Variants in KYAT1 observed in about 807,000 individuals in gnomAD.
KYAT1 encodes the protein kynurenine aminotransferase 1.
A neutral mutation model predicts 52.4 loss-of-function variants in KYAT1; 47 were observed. That is an observed-to-expected ratio of 0.90 (90% CI 0.71 to 1.14). KYAT1 has a LOEUF of 1.14. KYAT1 is among the 50% of genes most tolerant of loss of function. The pLI is 0.00. For synonymous variants in KYAT1, 212 were observed against 209.6 expected, an observed-to-expected ratio of 1.01 and a Z score of -0.10; for missense variants, 480 against 557.9, an observed-to-expected ratio of 0.86 and a Z score of 1.41.
intron 1 of KYAT1, among the ~76,000 whole-genome samples, chr9:128,873,363 GAA>G (rs74942940): frequency 1.9e-5 from 2 of 107,750 alleles, no homozygotes; most frequent in Non-Finnish European, 2.0e-5. Flanking sequence ...TATAGAAAAT[GAA>G]AAAAAAAAAA....
rs150456386 is a variant in KYAT1 at position 128,858,765 on chromosome 9, C to T, written c.-6-13354G>A. ...GCTCACGCTTATAATTCCAGCACTTCGGGAGGCTGAGGTGGGCAGATCACT... is the reference window on the plus strand; with the variant it reads ...GCTCACGCTTATAATTCCAGCACTTTGGGAGGCTGAGGTGGGCAGATCACT... On this transcript the variant is annotated intron_variant, in intron 1 of 12. Coordinates refer to ENST00000302586, the MANE Select transcript of KYAT1 (RefSeq NM_004059.5). Among the ~76,000 whole-genome samples the T allele has an allele frequency of 7.5e-3, 1,132 of 150,764 alleles. 8 individuals carry two copies. The highest frequency in any genetic ancestry group is 0.02 in the African/African-American group (807 of 41,110).
intron 1 of KYAT1, among the ~76,000 whole-genome samples, chr9:128,864,054 C>A (rs915266587): frequency 6.6e-6 from 1 of 152,028 alleles, no homozygotes; most frequent in Non-Finnish European, 1.5e-5. Context: ...GAGCCCTACA[C>A]GTCCCACCAC....
intron 1 of KYAT1, among the ~76,000 whole-genome samples, chr9:128,856,351 T>C (rs1386984769): frequency 1.3e-5 from 2 of 152,156 alleles, no homozygotes; most frequent in African/African-American, 2.4e-5. Flanking sequence ...CTGTTCTCTG[T>C]TGCTGGTCTA....
At position 128,837,874 on chromosome 9, in the gene KYAT1, A is replaced by G. The variant is rs895352200; in HGVS notation, c.439-61T>C. 20 of 1,589,608 alleles carry G rather than the reference A, an allele frequency of 1.3e-5. 1 individual carries two copies. The South Asian group carries it at 2.2e-4, about 18-fold the overall frequency. ...ACCACCTGACATGCAGGTCTTCCCC[A>G]GCATCTATCCCCACCTTCTCTCCCC... On this transcript the variant is annotated intron_variant, in intron 5 of 12. Transcript: ENST00000302586.
intron 1 of KYAT1, among the ~76,000 whole-genome samples, chr9:128,863,074 G>A (rs538454716): frequency 5.9e-5 from 9 of 151,978 alleles, no homozygotes; most frequent in South Asian, 4.1e-4. Flanking sequence ...TGATCCGCCC[G>A]CCTCGGCCTC....
At chr9:128,833,890 G>A (rs1010758646) in intron 11 of KYAT1, 64 bp from the exon 12 acceptor site, 2 of 1,308,206 alleles carry the variant, frequency 1.5e-6, no homozygotes, top group Non-Finnish European at 2.2e-6. Context: ...GGCTCCGGAG[G>A]GGACAGAGAG....
intron 1 of KYAT1, among the ~76,000 whole-genome samples, chr9:128,867,470 C>T (rs1588142205): frequency 6.6e-6 from 1 of 152,144 alleles, no homozygotes; most frequent in African/African-American, 2.4e-5. Context: ...TGAGCCAGTG[C>T]ACCCAGCCCT....
chr9:128,867,399 GTACTGCTGGGCTCAAGCAGTTCTCCTA>G (rs1836552344), intron 1 of KYAT1, among the ~76,000 whole-genome samples: 1 of 152,044 alleles, frequency 6.6e-6, no homozygotes, highest in Non-Finnish European at 1.5e-5. Flanking sequence ...GGCTGGTCTT[GTACTGCTGGGCTCAAGCAGTTCTCCTA>G]CCTTGACCTC....
At chr9:128,857,619 A>G (rs982458541) in intron 1 of KYAT1, among the ~76,000 whole-genome samples, 1 of 152,032 alleles carries the variant, frequency 6.6e-6, no homozygotes, top group Non-Finnish European at 1.5e-5. Context: ...GGCGGATCAT[A>G]AGGTCAGGAG....
chr9:128,846,664 T>G, intron 1 of KYAT1: 1 of 940,982 alleles, frequency 1.1e-6, no homozygotes, highest in Non-Finnish European at 1.5e-6. Context: ...GCCACCAAAC[T>G]CAGGTCCTAA....
At chr9:128,871,210 C>T (rs1484788960) in intron 1 of KYAT1, among the ~76,000 whole-genome samples, 1 of 151,638 alleles carries the variant, frequency 6.6e-6, no homozygotes, top group Admixed American at 6.6e-5. Context: ...CCCAGCTACT[C>T]GGGAAGCTGA....
chr9:128,874,786 G>A (rs756628504), intron 1 of KYAT1, among the ~76,000 whole-genome samples: 9 of 148,536 alleles, frequency 6.1e-5, no homozygotes, highest in Non-Finnish European at 1.3e-4. Context: ...GTGCAGTGGC[G>A]TGATCTCGGC....
upstream of KYAT1, chr9:128,882,326 G>C (rs1839075967): frequency 5.8e-6 from 1 of 171,136 alleles, no homozygotes; most frequent in African/African-American, 2.4e-5. Context: ...TCGGCCAGCT[G>C]CCCGGCCCGG....
chr9:128,838,187 G>T, intron 4 of KYAT1, 31 bp downstream of exon 4: 1 of 1,614,150 alleles, frequency 6.2e-7, no homozygotes, highest in Non-Finnish European at 8.5e-7. Context: ...TGACCTCTCA[G>T]TCCCACTCAG....
intron 1 of KYAT1, among the ~76,000 whole-genome samples, chr9:128,871,842 T>C (rs367912375): frequency 2.6e-5 from 4 of 152,128 alleles, no homozygotes; most frequent in South Asian, 2.1e-4. Context: ...AAAATGACCA[T>C]GTTGGCTGGG....
chr9:128,857,089 T>C (rs971598125), intron 1 of KYAT1, among the ~76,000 whole-genome samples: 1 of 152,246 alleles, frequency 6.6e-6, no homozygotes, highest in African/African-American at 2.4e-5. Flanking sequence ...TGTTATTCTT[T>C]ACTCCACTGA....
intron 1 of KYAT1, among the ~76,000 whole-genome samples, chr9:128,874,064 T>C (rs910214468): frequency 6.6e-6 from 1 of 151,558 alleles, no homozygotes; most frequent in Non-Finnish European, 1.5e-5. Flanking sequence ...AAGACCAGCC[T>C]GGTCAACATG....
At chr9:128,881,615 T>C (rs889475616) in intron 1 of KYAT1, among the ~76,000 whole-genome samples, 4 of 152,082 alleles carry the variant, frequency 2.6e-5, no homozygotes, top group African/African-American at 9.7e-5. Flanking sequence ...CCCAGATCTG[T>C]CCAGAATTCT....
rs1299305781 is a variant in KYAT1, at chr9:128,845,379, C to G, written c.27G>C (p.Arg9Ser). The part of the protein sequence containing the change: MAKQLQAR[R>S]LDGIDYNPWV... ...AGGGGTTGTAGTCGATCCCGTCTAG[C>G]CTTCGGGCCTGCAGCTGTTTGGCCA... Residue 9 changes from arginine to serine, a missense_variant, in exon 2 of 13, where the codon AGG becomes AGC. Arg to Ser is a moderately radical substitution (Grantham distance 110). Transcript: ENST00000302586. The G allele has an allele frequency of 3.7e-6, 6 of 1,613,906 alleles. No individual in the cohort carries two copies. Among genetic ancestry groups the G allele is most frequent in the Non-Finnish European group, 4.2e-6 (5 of 1,179,996 alleles).
Sources: gnomAD v4.1 joint callset for allele counts (sites outside exome capture counted in the v4.1 genomes callset) on GRCh38, gnomAD v4.1.1 for gene constraint, MANE v1.5 for transcripts, NCBI Gene and HGNC (gene_info 2026-07-23, HGNC 2026-07-21) for gene names.